CIT: variants seen among roughly 807,000 people sequenced by gnomAD.
CIT encodes citron rho-interacting serine/threonine kinase.
CIT carries 79 observed loss-of-function variants against 272.7 expected under a neutral mutation model. The ratio of observed to expected loss-of-function variants is 0.29; its 90% CI spans 0.24 to 0.35. The LOEUF is 0.35. Among genes scored for constraint, CIT ranks in the 10% least tolerant of loss-of-function variants. The probability of loss-of-function intolerance (pLI) is 1.00; values close to 1 mark genes in which losing one functional copy is unlikely to be tolerated. For missense variants in CIT, 1,909 were observed against 2,618.3 expected (o/e 0.73, Z 5.91); for synonymous variants, 948 against 995.6 (o/e 0.95, Z 0.90).
At position 119,776,814 on chromosome 12, in the gene CIT, C is replaced by G. The variant is rs779594547; in HGVS notation, c.1694G>C (p.Arg565Thr). 1 of 1,614,052 alleles carries G rather than the reference C, an allele frequency of 6.2e-7. No individual in the cohort carries two copies. The highest frequency in any genetic ancestry group is 8.5e-7 in the Non-Finnish European group (1 of 1,180,038). Residue 565 changes from arginine to threonine, a missense_variant, in exon 14 of 48, where the codon AGG becomes ACG. Around this residue, in one of 8 missense-constraint regions of CIT, gnomAD observed 530 missense variants for 822.4 expected, o/e 0.64. Transcript: ENST00000392521. ...CTCTTCCAACTGATTCATCATCAAC[C>G]TCATTTCTTCCACTTGAGCCTGGTA... is the stretch of plus-strand genomic sequence containing the variant. ...QEYQAQVEEM[R>T]LMMNQLEEDL... is the part of the protein sequence containing the mutation.
chr12:119,768,841 C>T lies in CIT; in HGVS notation c.2209-1659G>A, dbSNP rs549383670. 4.6e-5 allele frequency among the ~76,000 whole-genome samples: 7 copies of T among 152,274 alleles called. No homozygotes were observed. The highest frequency in any genetic ancestry group is 1.4e-4 in the African/African-American group (6 of 41,552). Reference sequence around the variant, plus strand: ...TATCAGAATAGCAAATATTTTAAAGCCAATGACATTTGGCGATGTATGTTC... The same window carrying T: ...TATCAGAATAGCAAATATTTTAAAGTCAATGACATTTGGCGATGTATGTTC... On this transcript the variant is annotated intron_variant, in intron 18 of 47. Coordinates refer to ENST00000392521, the MANE Select transcript of CIT (RefSeq NM_001206999.2). The surrounding 1 kb of genome is among the most constrained non-coding windows in gnomAD (Gnocchi z 4.3).
intron 3 of CIT, among the ~76,000 whole-genome samples, chr12:119,866,929 C>G (rs928959168): frequency 4.6e-5 from 7 of 152,204 alleles, no homozygotes; most frequent in African/African-American, 7.2e-5. Context: ...AAATAGGCAT[C>G]ACAGGCTGTA....
At chr12:119,856,545 A>T (rs1483283610) in intron 4 of CIT, among the ~76,000 whole-genome samples, 1 of 151,894 alleles carries the variant, frequency 6.6e-6, no homozygotes, top group Non-Finnish European at 1.5e-5. Context: ...CACTGAACAC[A>T]CACACACACC....
rs766171728 is a variant in CIT at position 119,718,268 on chromosome 12, C to T, written c.4145G>A (p.Arg1382Lys). ...MSLLAPPSSR[R>K]KESSTPEEFS... ...ACCCTCTGGAGTTGAAGACTCCTTT[C>T]TGCGGCTGGATGGCGGGGCCAGCAG... is the stretch of plus-strand genomic sequence containing the variant. The change falls in exon 32 of 48, where the codon AGA becomes AAA. Residue 1382 changes from arginine (R) to lysine (K), a missense_variant. Arg to Lys is a conservative substitution (Grantham distance 26, BLOSUM62 2). This residue lies in a region of CIT where 780 missense variants were observed against 1,067.2 expected (regional missense o/e 0.73). Transcript: ENST00000392521. The surrounding 1 kb of genome is among the most constrained non-coding windows in gnomAD (Gnocchi z 4.8). The T allele has an allele frequency of 1.6e-5, 26 of 1,613,388 alleles. No individual in the cohort carries two copies. The South Asian group carries it at 2.6e-4, about 16-fold the overall frequency.
chr12:119,721,444 G>A lies in CIT; in HGVS notation c.3597C>T (p.Ala1199=). The part of the protein sequence containing the change: ...ELKQRLLEEQ[A]KLQQQMDLQK... The stretch of plus-strand genomic sequence containing the variant: ...GCAGGTCCATCTGCTGCTGTAATTT[G>A]GCTTGCTAGTGGGGAGAAGGGCCAG... The change falls in exon 29 of 48, where the codon GCC becomes GCT. Residue 1199 remains alanine, a synonymous_variant. Coordinates refer to ENST00000392521, the MANE Select transcript of CIT (RefSeq NM_001206999.2). The A allele has an allele frequency of 4.4e-6, 7 of 1,605,022 alleles. No homozygotes were observed. Among genetic ancestry groups the A allele is most frequent in the South Asian group, 1.1e-5 (1 of 90,480 alleles).
intron 5 of CIT, among the ~76,000 whole-genome samples, chr12:119,841,936 C>T (rs1029941355): frequency 9.2e-5 from 14 of 152,270 alleles, no homozygotes; most frequent in African/African-American, 3.4e-4. Flanking sequence ...TTAGCTAATA[C>T]ATCTCTACAT....
chr12:119,802,140 G>A (rs759294971), intron 10 of CIT, among the ~76,000 whole-genome samples: 1 of 152,136 alleles, frequency 6.6e-6, no homozygotes, highest in Non-Finnish European at 1.5e-5. Flanking sequence ...ATGCTGCCAA[G>A]AAGAATATCA....
chr12:119,808,517 T>C (rs947411882), intron 9 of CIT, among the ~76,000 whole-genome samples: 18 of 151,600 alleles, frequency 1.2e-4, no homozygotes, highest in African/African-American at 3.1e-4. Flanking sequence ...CATGAAGAAC[T>C]AGCATATTAA....
At position 119,713,939 on chromosome 12, in the gene CIT, G is replaced by A. The variant is rs1355639541; in HGVS notation, c.4306+258C>T. 9.9e-6 allele frequency: 6 copies of A among 607,664 alleles called. No individual in the cohort carries two copies. Among genetic ancestry groups the A allele is most frequent in the African/African-American group, 1.9e-5 (1 of 53,962 alleles). The allele number at this position is 607,664 out of a possible 1,614,324, so 37.6% of individuals were successfully genotyped here. A position where few individuals can be genotyped will look rare whatever the true frequency, so the allele number is the denominator to read the frequency against. On this transcript the variant is annotated intron_variant, in intron 33 of 47. Coordinates refer to ENST00000392521, the MANE Select transcript of CIT (RefSeq NM_001206999.2). This position sits in a 1 kb window ranked among gnomAD's most constrained non-coding sequence, Gnocchi z 5.2. The stretch of plus-strand genomic sequence containing the variant: ...CAGTTGGAGTCAGCGGAAAGGTAGG[G>A]AGAGACCAGCCTGACAAAAAGGGGC...
intron 23 of CIT, among the ~76,000 whole-genome samples, chr12:119,743,968 T>C (rs1336060621): frequency 6.6e-6 from 1 of 152,220 alleles, no homozygotes; most frequent in Admixed American, 6.5e-5. Flanking sequence ...ATTCAATTAA[T>C]TGAAAACCAA....
intron 9 of CIT, among the ~76,000 whole-genome samples, chr12:119,820,988 A>T (rs531695368): frequency 4.8e-4 from 73 of 151,938 alleles, no homozygotes; most frequent in African/African-American, 1.7e-3. Context: ...ATAAATAAAG[A>T]TTTACTTAAA....
At chr12:119,801,575 A>C (rs1243657155) in intron 10 of CIT, among the ~76,000 whole-genome samples, 1 of 152,146 alleles carries the variant, frequency 6.6e-6, no homozygotes, top group African/African-American at 2.4e-5. Context: ...GCCCACTGCT[A>C]ACCAGAACTA....
Position 119,758,619 on chromosome 12 carries a change from T to C in CIT, c.2503A>G (p.Asn835Asp). The C allele has an allele frequency of 6.2e-7, 1 of 1,613,296 alleles. No individual in the cohort carries two copies. Among genetic ancestry groups the C allele is most frequent in the Non-Finnish European group, 8.5e-7 (1 of 1,179,194 alleles). The change falls in exon 21 of 48, where the codon AAT becomes GAT. Residue 835 changes from asparagine (N) to aspartate (D), a missense_variant. Asn to Asp is a conservative substitution (Grantham distance 23). This residue lies in a region of CIT where 530 missense variants were observed against 822.4 expected (regional missense o/e 0.64). Transcript: ENST00000392521. Reference sequence around the variant, plus strand: ...TTCCTTTGGGTAAAAAGACTGCTATTTGCTGCAAGTTTATTGGCTTCAGAC... The same window carrying C: ...TTCCTTTGGGTAAAAAGACTGCTATCTGCTGCAAGTTTATTGGCTTCAGAC... ...ELSEANKLAA[N>D]SSLFTQRNMK...
intron 21 of CIT, 103 bp from the exon 22 acceptor site, chr12:119,757,648 A>G (rs1961187863): frequency 7.1e-7 from 1 of 1,398,792 alleles, no homozygotes; most frequent in African/African-American, 1.4e-5. Context: ...ATGTCTCCTC[A>G]CTAAGTGGAC....
chr12:119,692,398 A>C (rs972551415), intron 46 of CIT, among the ~76,000 whole-genome samples: 2 of 152,248 alleles, frequency 1.3e-5, no homozygotes, highest in African/African-American at 4.8e-5. Context: ...CAACTTGTTC[A>C]TTTCTTTCTT....
chr12:119,736,477 C>G (rs1012392871), intron 24 of CIT, among the ~76,000 whole-genome samples: 10 of 152,200 alleles, frequency 6.6e-5, no homozygotes, highest in Admixed American at 1.3e-4. Context: ...TACAACTTTT[C>G]ATTTTGTTAA....
chr12:119,844,893 G>A (rs1275464823), intron 5 of CIT, among the ~76,000 whole-genome samples: 4 of 152,124 alleles, frequency 2.6e-5, no homozygotes, highest in African/African-American at 9.7e-5. Context: ...GGCTGAAGCA[G>A]GCGGATCATG....
At chr12:119,877,103 C>T (rs1164561929) in intron 1 of CIT, 146 bp downstream of exon 1, 1 of 152,290 alleles carries the variant, frequency 6.6e-6, no homozygotes, top group East Asian at 1.9e-4. Flanking sequence ...CCGGAAGACC[C>T]TCCAGGCCTC....
chr12:119,801,250 A>G (rs1241351053), intron 10 of CIT, among the ~76,000 whole-genome samples: 1 of 152,208 alleles, frequency 6.6e-6, no homozygotes, highest in Non-Finnish European at 1.5e-5. Context: ...TACAATAAGC[A>G]ATATAAACAC....
Sources: allele counts gnomAD v4.1 joint callset (sites outside exome capture counted in the v4.1 genomes callset), GRCh38; gene constraint gnomAD v4.1.1; regional missense constraint gnomAD v4.1.1; non-coding constraint Gnocchi (gnomAD v3.1); transcripts MANE v1.5; gene names NCBI Gene and HGNC (gene_info 2026-07-23, HGNC 2026-07-21).